The following CAMTA1 variants were observed in gnomAD, a reference collection of about 807,000 sequenced individuals.
CAMTA1 encodes calmodulin binding transcription activator 1, also known as calmodulin-binding transcription activator 1.
Under a neutral mutation model 170.9 loss-of-function variants are expected in CAMTA1, and 27 were observed. The observed-to-expected ratio is 0.16, with a 90% CI of 0.12 to 0.22. The LOEUF (loss-of-function observed/expected upper bound fraction) is 0.22, where lower values mean the gene tolerates loss of function less well. Ranked by LOEUF, CAMTA1 falls within the 10% of genes least tolerant of loss-of-function variation. The pLI is 1.00. For missense variants in CAMTA1, 1,619 were observed against 2,217.2 expected (o/e 0.73, Z 5.42); for synonymous variants, 833 against 891.5 (o/e 0.93, Z 1.17).
At chr1:6,910,711 C>G (rs751704991) in intron 3 of CAMTA1, among the ~76,000 whole-genome samples, 35 of 152,150 alleles carry the variant, frequency 2.3e-4, no homozygotes, top group Non-Finnish European at 4.9e-4. Context: ...GGGTCAGGAA[C>G]CCATGCTGAA....
chr1:6,984,901 C>T (rs1275663919), intron 3 of CAMTA1, among the ~76,000 whole-genome samples: 1 of 152,204 alleles, frequency 6.6e-6, no homozygotes, highest in African/African-American at 2.4e-5. Flanking sequence ...TAATCTATTA[C>T]CAGGGCGCTG....
At chr1:7,390,526 G>A (rs917814926) in intron 5 of CAMTA1, among the ~76,000 whole-genome samples, 25 of 152,246 alleles carry the variant, frequency 1.6e-4, no homozygotes, top group African/African-American at 5.8e-4. Context: ...GCCCCTGCAA[G>A]TGAGTTCTGC....
intron 4 of CAMTA1, among the ~76,000 whole-genome samples, chr1:7,164,581 C>A (rs922302349): frequency 1.3e-5 from 2 of 152,190 alleles, no homozygotes; most frequent in Admixed American, 6.5e-5. Flanking sequence ...ACTGGCCCAT[C>A]CTGTCATGTG....
chr1:6,986,972 C>A lies in CAMTA1; in HGVS notation c.235-104332C>A, dbSNP rs1400959796. On this transcript the variant is annotated intron_variant, in intron 3 of 22. Coordinates refer to ENST00000303635, the MANE Select transcript of CAMTA1 (RefSeq NM_015215.4). ...ATTGGGCCCCCAATGGCATATGAGA[C>A]CCCCTAGGGCCAGGTTCCCCAGCCC... Among the ~76,000 whole-genome samples, 9 of 152,078 alleles carry A rather than the reference C, an allele frequency of 5.9e-5. No homozygotes were observed. In the East Asian group the frequency reaches 1.7e-3, roughly 29 times the overall value.
chr1:7,244,868 T>G (rs1313373369), intron 4 of CAMTA1, among the ~76,000 whole-genome samples: 2 of 152,006 alleles, frequency 1.3e-5, no homozygotes, highest in Non-Finnish European at 2.9e-5. Flanking sequence ...GTTGTGCACA[T>G]GTACCCTAAA....
intron 1 of CAMTA1, among the ~76,000 whole-genome samples, chr1:6,807,775 A>G (rs1336771170): frequency 6.6e-6 from 1 of 152,046 alleles, no homozygotes; most frequent in Non-Finnish European, 1.5e-5. Context: ...GCTATTTAGA[A>G]CTGCTTTAGT....
chr1:7,308,289 T>C (rs1675904193), intron 5 of CAMTA1, among the ~76,000 whole-genome samples: 1 of 152,058 alleles, frequency 6.6e-6, no homozygotes, highest in African/African-American at 2.4e-5. Context: ...CTTATTTATC[T>C]TTTCAGCAAA....
intron 5 of CAMTA1, among the ~76,000 whole-genome samples, chr1:7,396,368 G>A (rs1249527737): frequency 6.6e-6 from 1 of 152,176 alleles, no homozygotes; most frequent in African/African-American, 2.4e-5. Flanking sequence ...AGAGCCATGA[G>A]CTAAATAAAT....
intron 1 of CAMTA1, among the ~76,000 whole-genome samples, chr1:6,814,895 T>C (rs1189989636): frequency 1.3e-5 from 2 of 152,174 alleles, no homozygotes. Flanking sequence ...CATTAATCCA[T>C]CTTCCAAAAA....
intron 5 of CAMTA1, among the ~76,000 whole-genome samples, chr1:7,257,203 G>T (rs1016672165): frequency 6.6e-6 from 1 of 151,766 alleles, no homozygotes; most frequent in African/African-American, 2.4e-5. Context: ...ATCCTTTTTT[G>T]AACTTTTACT....
At chr1:7,733,202 A>G (rs2096747172) in intron 12 of CAMTA1, among the ~76,000 whole-genome samples, 1 of 152,098 alleles carries the variant, frequency 6.6e-6, no homozygotes. Flanking sequence ...ACCCTGTCTC[A>G]AAAAGAAGAA....
intron 5 of CAMTA1, among the ~76,000 whole-genome samples, chr1:7,401,114 T>C (rs1199197610): frequency 6.6e-6 from 1 of 152,226 alleles, no homozygotes; most frequent in Admixed American, 6.5e-5. Flanking sequence ...ATCACAAACA[T>C]TTTCTATCCT....
chr1:6,820,467 A>G (rs1217245975), intron 2 of CAMTA1, among the ~76,000 whole-genome samples: 1 of 152,230 alleles, frequency 6.6e-6, no homozygotes, highest in African/African-American at 2.4e-5. Flanking sequence ...AAAAAAGGCA[A>G]AAGATTTAAT....
rs1383935872 is a variant in CAMTA1 at position 7,665,060 on chromosome 1, G to A, written c.2513G>A (p.Gly838Asp). 3 of 1,573,110 alleles carry A rather than the reference G, an allele frequency of 1.9e-6. No homozygotes were observed. Among genetic ancestry groups the A allele is most frequent in the Non-Finnish European group, 2.6e-6 (3 of 1,159,024 alleles). The change falls in exon 9 of 23, where the codon GGC becomes GAC. Residue 838 changes from glycine to aspartate, a missense_variant. Coordinates refer to ENST00000303635, the MANE Select transcript of CAMTA1 (RefSeq NM_015215.4). The surrounding 1 kb of genome is among the most constrained non-coding windows in gnomAD (Gnocchi z 4.3). ...QGSLQLSSSE[G>D]GASTMAYMHV... Reference sequence around the variant, plus strand: ...AGCCTGCAGCTGAGCAGCTCGGAGGGCGGGGCCAGCACCATGGCCTACATG... The same window carrying A: ...AGCCTGCAGCTGAGCAGCTCGGAGGACGGGGCCAGCACCATGGCCTACATG...
intron 6 of CAMTA1, among the ~76,000 whole-genome samples, chr1:7,625,424 T>C (rs2095626922): frequency 6.6e-6 from 1 of 152,260 alleles, no homozygotes. Context: ...CCCATCGGGC[T>C]GACAGGGTCT....
intron 6 of CAMTA1, among the ~76,000 whole-genome samples, chr1:7,521,625 C>T (rs2094366754): frequency 6.6e-6 from 1 of 152,286 alleles, no homozygotes; most frequent in Admixed American, 6.5e-5. Flanking sequence ...TCACTGCAAC[C>T]TCTGCCTCCT....
At chr1:6,891,136 C>G (rs1674418890) in intron 3 of CAMTA1, among the ~76,000 whole-genome samples, 1 of 152,142 alleles carries the variant, frequency 6.6e-6, no homozygotes, top group African/African-American at 2.4e-5. Flanking sequence ...AGGCAAGCCT[C>G]CCCACCTTGA....
intron 5 of CAMTA1, among the ~76,000 whole-genome samples, chr1:7,349,478 T>C (rs705678): frequency 0.72 from 108,820 of 152,170 alleles, 39,342 homozygotes; most frequent in East Asian, 0.82. Flanking sequence ...GCTGATCCCA[T>C]GCCATGTGTG....
intron 4 of CAMTA1, among the ~76,000 whole-genome samples, chr1:7,122,792 C>G (rs1447628130): frequency 1.3e-5 from 2 of 152,150 alleles, no homozygotes; most frequent in Admixed American, 6.5e-5. Context: ...GCTGCTGAAG[C>G]CAGAAGCTTG....
Sources: gnomAD v4.1 joint callset for allele counts (sites outside exome capture counted in the v4.1 genomes callset) on GRCh38, gnomAD v4.1.1 for gene constraint, Gnocchi (gnomAD v3.1) non-coding constraint, MANE v1.5 for transcripts, NCBI Gene and HGNC (gene_info 2026-07-23, HGNC 2026-07-21) for gene names.